GPC5: variants seen among roughly 807,000 people sequenced by gnomAD.
GPC5 encodes glypican-5.
Under a neutral mutation model 53.9 loss-of-function variants are expected in GPC5, and 47 were observed. The ratio of observed to expected loss-of-function variants is 0.87; its 90% CI spans 0.69 to 1.11. GPC5 has a LOEUF of 1.11. Among genes scored for constraint, GPC5 ranks in the 50% most tolerant of loss-of-function variants. The pLI, the probability that GPC5 is intolerant of heterozygous loss-of-function variation, is 0.00. For missense variants in GPC5, 748 were observed against 713.1 expected (o/e 1.05, Z -0.56); for synonymous variants, 286 against 263.3 (o/e 1.09, Z -0.84).
At chr13:91,471,560 A>C (rs376008106) in intron 2 of GPC5, among the ~76,000 whole-genome samples, 1 of 152,136 alleles carries the variant, frequency 6.6e-6, no homozygotes, top group African/African-American at 2.4e-5. Flanking sequence ...TCATTTTCTC[A>C]TGCTGCCCAA....
chr13:91,970,186 C>T (rs963983970), intron 6 of GPC5, among the ~76,000 whole-genome samples: 2 of 151,916 alleles, frequency 1.3e-5, no homozygotes, highest in African/African-American at 4.8e-5. Context: ...AGACAAATAC[C>T]ACATGATTTA....
chr13:92,775,437 T>C (rs1875767647), intron 7 of GPC5, among the ~76,000 whole-genome samples: 1 of 152,224 alleles, frequency 6.6e-6, no homozygotes, highest in African/African-American at 2.4e-5. Flanking sequence ...TTATGGTATA[T>C]ATTTGTCAAC....
chr13:92,601,554 C>CAAAAAAAAAAAAAAAAAAAAAAAAAAA (rs57333686), intron 7 of GPC5, among the ~76,000 whole-genome samples: 1 of 67,402 alleles, frequency 1.5e-5, no homozygotes, highest in Non-Finnish European at 3.2e-5. Flanking sequence ...GACTCCATCT[C>CAAAAAAAAAAAAAAAAAAAAAAAAAAA]AAAAAAAAAA....
At chr13:92,491,643 G>A (rs960648102) in intron 7 of GPC5, among the ~76,000 whole-genome samples, 4 of 152,028 alleles carry the variant, frequency 2.6e-5, no homozygotes, top group Non-Finnish European at 5.9e-5. Flanking sequence ...GGCCAACCGT[G>A]TAGATTATCC....
intron 7 of GPC5, among the ~76,000 whole-genome samples, chr13:92,234,214 G>T (rs2042552694): frequency 6.6e-6 from 1 of 152,148 alleles, no homozygotes; most frequent in Non-Finnish European, 1.5e-5. Context: ...TCTAGTTCTA[G>T]ATCCCTGAGG....
At chr13:91,410,647 T>TC (rs963744361) in intron 1 of GPC5, among the ~76,000 whole-genome samples, 64 of 152,172 alleles carry the variant, frequency 4.2e-4, no homozygotes, top group African/African-American at 1.5e-3. Flanking sequence ...CGCCCGGCCT[T>TC]CCTTCATCTT....
rs925315820 is a variant in GPC5, at chr13:91,845,894, T to A, written c.1281-62043T>A. Reference sequence around the variant, plus strand: ...GTTTAAATTACCTAAGCTTTTGTTTTCTCATCAGTAAAATGGAGATAATAG... The same window carrying A: ...GTTTAAATTACCTAAGCTTTTGTTTACTCATCAGTAAAATGGAGATAATAG... On this transcript the variant is annotated intron_variant, in intron 5 of 7. Transcript: ENST00000377067. 3.9e-5 allele frequency among the ~76,000 whole-genome samples: 6 copies of A among 152,166 alleles called. No individual in the cohort carries two copies. The East Asian group carries it at 7.7e-4, about 20-fold the overall frequency.
chr13:92,516,120 A>G (rs906319608), intron 7 of GPC5, among the ~76,000 whole-genome samples: 4 of 152,120 alleles, frequency 2.6e-5, no homozygotes, highest in Non-Finnish European at 4.4e-5. Context: ...GGGTTACTAA[A>G]GTTCACCTAA....
At chr13:91,857,106 C>A (rs2038975524) in intron 5 of GPC5, among the ~76,000 whole-genome samples, 1 of 151,210 alleles carries the variant, frequency 6.6e-6, no homozygotes, top group Non-Finnish European at 1.5e-5. Flanking sequence ...GTCTATTTAT[C>A]TTCCCTTACA....
intron 2 of GPC5, among the ~76,000 whole-genome samples, chr13:91,660,753 G>A (rs1471964525): frequency 6.6e-6 from 1 of 152,052 alleles, no homozygotes; most frequent in Non-Finnish European, 1.5e-5. Context: ...TCTCAGAAGG[G>A]ACCATTTCTA....
At chr13:92,571,991 C>G (rs1311408850) in intron 7 of GPC5, among the ~76,000 whole-genome samples, 1 of 150,862 alleles carries the variant, frequency 6.6e-6, no homozygotes, top group Non-Finnish European at 1.5e-5. Context: ...GAAATGATCG[C>G]AACACTGCAC....
At chr13:92,042,456 A>T (rs1594740381) in intron 6 of GPC5, among the ~76,000 whole-genome samples, 1 of 152,076 alleles carries the variant, frequency 6.6e-6, no homozygotes, top group East Asian at 1.9e-4. Flanking sequence ...CTCAGGGGTG[A>T]TCCCTGAGTT....
rs575905166 is a variant in GPC5, at chr13:91,779,866, G to T, written c.1280+23446G>T. ...TTCTGGAATACCTCCTTAAGGACCG[G>T]CCTGAGGTGGTTTTATAGTTAACTT... On this transcript the variant is annotated intron_variant, in intron 5 of 7. Transcript: ENST00000377067. Among the ~76,000 whole-genome samples the T allele has an allele frequency of 3.9e-5, 6 of 152,050 alleles. 1 individual carries two copies. The highest frequency in any genetic ancestry group is 1.4e-4 in the African/African-American group (6 of 41,454).
At chr13:91,492,937 CT>C (rs763298624) in intron 2 of GPC5, among the ~76,000 whole-genome samples, 43 of 152,304 alleles carry the variant, frequency 2.8e-4, no homozygotes, top group Non-Finnish European at 5.6e-4. Flanking sequence ...GTCACCACCT[CT>C]TTCCCCCCAG....
chr13:91,455,107 A>T (rs1396950703), intron 2 of GPC5, among the ~76,000 whole-genome samples: 1 of 152,012 alleles, frequency 6.6e-6, no homozygotes, highest in Non-Finnish European at 1.5e-5. Context: ...ACGTTTATTC[A>T]TTCTTCTGTT....
intron 7 of GPC5, among the ~76,000 whole-genome samples, chr13:92,695,646 C>A (rs1456277984): frequency 6.6e-6 from 1 of 151,080 alleles, no homozygotes; most frequent in Non-Finnish European, 1.5e-5. Context: ...ATACAACAGA[C>A]TTTTGGTAGG....
At chr13:92,351,306 A>T (rs1198115138) in intron 7 of GPC5, among the ~76,000 whole-genome samples, 1 of 151,948 alleles carries the variant, frequency 6.6e-6, no homozygotes, top group Non-Finnish European at 1.5e-5. Context: ...TATAATTTTT[A>T]AAAATTAGGT....
intron 7 of GPC5, among the ~76,000 whole-genome samples, chr13:92,384,809 A>T (rs9561029): frequency 0.04 from 6,065 of 152,254 alleles, 190 homozygotes; most frequent in East Asian, 0.15. Flanking sequence ...TGTCATCTAG[A>T]TGGAATCATG....
At chr13:91,500,869 C>T (rs1884584406) in intron 2 of GPC5, among the ~76,000 whole-genome samples, 1 of 152,020 alleles carries the variant, frequency 6.6e-6, no homozygotes, top group Admixed American at 6.6e-5. Context: ...GGTGGTTCCC[C>T]CATACTGTTC....
Sources: allele counts gnomAD v4.1 joint callset (sites outside exome capture counted in the v4.1 genomes callset), GRCh38; gene constraint gnomAD v4.1.1; transcripts MANE v1.5; gene names NCBI Gene and HGNC (gene_info 2026-07-23, HGNC 2026-07-21).